Variants in UBR4 observed in about 807,000 individuals in gnomAD.
The protein encoded by UBR4 is E3 ubiquitin-protein ligase UBR4.
A neutral mutation model predicts 575.6 loss-of-function variants in UBR4; 124 were observed. The observed-to-expected ratio is 0.22, with a 90% CI of 0.19 to 0.25. The LOEUF (loss-of-function observed/expected upper bound fraction) is 0.25, where lower values mean the gene tolerates loss of function less well. Among genes scored for constraint, UBR4 ranks in the 10% least tolerant of loss-of-function variants. The pLI is 1.00. For missense variants in UBR4, 4,818 were observed against 6,478.8 expected (o/e 0.74, Z 8.80); for synonymous variants, 2,455 against 2,473.7 (o/e 0.99, Z 0.22).
At chr1:19,195,025 C>T (rs978989337) in intron 8 of UBR4, among the ~76,000 whole-genome samples, 2 of 151,574 alleles carry the variant, frequency 1.3e-5, no homozygotes, top group Non-Finnish European at 2.9e-5. Context: ...CTTTAGGAGG[C>T]CAAGGCGGGC....
chr1:19,170,789 A>G lies in UBR4; in HGVS notation c.3616T>C (p.Ser1206Pro). The change falls in exon 26 of 106, where the codon TCT (serine) becomes CCT (proline). Residue 1206 changes from serine (S) to proline (P), a missense_variant. Around this residue, in one of 29 missense-constraint regions of UBR4, gnomAD observed 1,172 missense variants for 1,259.7 expected, o/e 0.93. Coordinates refer to ENST00000375254, the MANE Select transcript of UBR4 (RefSeq NM_020765.3). ...QGFAAVLAIG[S>P]SRCKANTLGP... ...AGAGTATTTGCCTTGCACCTGCTAG[A>G]GCCAATAGCCAAAACAGCAGCAAAG... 6.2e-7 allele frequency: 1 copy of G among 1,614,190 alleles called. No homozygotes were observed. Among genetic ancestry groups the G allele is most frequent in the Non-Finnish European group, 8.5e-7 (1 of 1,180,018 alleles).
intron 1 of UBR4, among the ~76,000 whole-genome samples, chr1:19,204,535 AAT>A (rs34722359): frequency 1.1e-4 from 16 of 150,090 alleles, no homozygotes; most frequent in African/African-American, 3.2e-4. Flanking sequence ...TATAAAAAAA[AAT>A]ATATATATAT....
rs151119836 is a variant in UBR4 at position 19,117,865 on chromosome 1, G to A, written c.10587C>T (p.Ser3529=). ...GGTTATTACACACCAGGCAGGGATC[G>A]CTCTCCAGGTAATAGCCATCAAACT... The part of the protein sequence containing the change: ...LVEFDGYYLE[S]DPCLVCNNPE... The change falls in exon 72 of 106, where the codon AGC becomes AGT. Residue 3529 remains serine (S), a synonymous_variant. Transcript: ENST00000375254. This position sits in a 1 kb window ranked among gnomAD's most constrained non-coding sequence, Gnocchi z 4.0. 113 of 1,614,170 alleles carry A rather than the reference G, an allele frequency of 7.0e-5. No individual in the cohort carries two copies. In the African/African-American group the frequency reaches 1.0e-3, roughly 14 times the overall value.
chr1:19,144,128 A>C, intron 54 of UBR4, 37 bp from the exon 55 acceptor site: 14 of 1,573,480 alleles, frequency 8.9e-6, no homozygotes, highest in East Asian at 2.2e-5. Context: ...CTTTGCTCTC[A>C]TATTATTCAT....
intron 55 of UBR4, 45 bp from the exon 56 acceptor site, chr1:19,141,822 C>T (rs367641462): frequency 6.2e-7 from 1 of 1,605,092 alleles, no homozygotes; most frequent in Non-Finnish European, 8.5e-7. Flanking sequence ...TTGCTTTCCT[C>T]CCTTGGCACA....
rs1246394266 is a variant in UBR4, at chr1:19,167,011, A to T, written c.4109+11T>A. 1 of 1,614,098 alleles carries T rather than the reference A, an allele frequency of 6.2e-7. No individual in the cohort carries two copies. The highest frequency in any genetic ancestry group is 2.2e-5 in the East Asian group (1 of 44,904). On this transcript the variant is annotated intron_variant, in intron 29 of 105. Transcript: ENST00000375254. ...GTCATAGGAAACCTGACTGTTCTCC[A>T]TCAGGCTCACCTGTTAGGATCTGCA...
chr1:19,104,696 G>A (rs767266852), intron 85 of UBR4, 30 bp from the exon 86 acceptor site: 10 of 1,607,440 alleles, frequency 6.2e-6, no homozygotes, highest in Non-Finnish European at 7.7e-6. Flanking sequence ...CAGTCAGTGT[G>A]ATATCACTGC....
Position 19,160,254 on chromosome 1 carries a change from A to G in UBR4, c.5434T>C (p.Leu1812=), listed in dbSNP as rs1414850727. The G allele has an allele frequency of 1.2e-6, 2 of 1,613,578 alleles. No homozygotes were observed. The highest frequency in any genetic ancestry group is 1.7e-5 in the Admixed American group (1 of 59,932). ...QANFSFAPLV[L]DMLNFLMDAI... ...TCCATAAGGAAATTAAGCATGTCTA[A>G]CACGAGAGGAGCGAAGGAGAAATTG... The change falls in exon 39 of 106, where the codon TTA becomes CTA. Residue 1812 remains leucine (L), a synonymous_variant. Coordinates refer to ENST00000375254, the MANE Select transcript of UBR4 (RefSeq NM_020765.3).
rs532865370 is a variant in UBR4, at chr1:19,121,503, C to T, written c.9896-69G>A. On this transcript the variant is annotated intron_variant, in intron 67 of 105. Transcript: ENST00000375254. ...ACCAGACTCAGGAGAACCAAAACAACGTCTCCCTACAGCTGAGACTGCCCT... is the reference window on the plus strand; with the variant it reads ...ACCAGACTCAGGAGAACCAAAACAATGTCTCCCTACAGCTGAGACTGCCCT... The T allele has an allele frequency of 2.3e-5, 36 of 1,549,778 alleles. No individual in the cohort carries two copies. In the East Asian group the frequency reaches 7.2e-4, roughly 31 times the overall value.
At position 19,081,302 on chromosome 1, in the gene UBR4, T is replaced by C. The variant is rs1363122962; in HGVS notation, c.15233+47A>G. 4.6e-6 allele frequency: 7 copies of C among 1,506,130 alleles called. No homozygotes were observed. The South Asian group carries it at 9.1e-5, about 20-fold the overall frequency. 93.3% of individuals were successfully genotyped at this position (1,506,130 alleles called of 1,614,324 possible). On this transcript the variant is annotated intron_variant, in intron 103 of 105. Transcript: ENST00000375254. ...GTACCACTAAGCAGCTTTTCAAAACTGATGATGGGAAATAGTGAGCAGCAG... is the reference window on the plus strand; with the variant it reads ...GTACCACTAAGCAGCTTTTCAAAACCGATGATGGGAAATAGTGAGCAGCAG...
chr1:19,153,160 C>T lies in UBR4; in HGVS notation c.6832+141G>A. Reference sequence around the variant, plus strand: ...CTTGACATTTGGAAACATAACTCTGCTTTTGGGAAATTAACTTTACAAAAT... The same window carrying T: ...CTTGACATTTGGAAACATAACTCTGTTTTTGGGAAATTAACTTTACAAAAT... On this transcript the variant is annotated intron_variant, in intron 46 of 105. Transcript: ENST00000375254. This position sits in a 1 kb window ranked among gnomAD's most constrained non-coding sequence, Gnocchi z 4.1. 1.9e-6 allele frequency: 2 copies of T among 1,060,520 alleles called. No homozygotes were observed. The highest frequency in any genetic ancestry group is 2.7e-6 in the Non-Finnish European group (2 of 738,992). The allele number at this position is 1,060,520 out of a possible 1,614,324, so 65.7% of individuals were successfully genotyped here.
At chr1:19,145,506 G>GACACACACACACACACACAC in intron 53 of UBR4, among the ~76,000 whole-genome samples, 1 of 43,378 alleles carries the variant, frequency 2.3e-5, no homozygotes, top group African/African-American at 8.8e-5. Flanking sequence ...ATAAACCACT[G>GACACACACACACACACACAC]AGACACACAC....
At chr1:19,192,638 T>C (rs2092176908) in intron 9 of UBR4, 98 bp from the exon 10 acceptor site, 1 of 1,273,052 alleles carries the variant, frequency 7.9e-7, no homozygotes, top group South Asian at 1.3e-5. Context: ...AAGAGTTCAA[T>C]ATCCTCTTTT....
intron 60 of UBR4, 48 bp downstream of exon 60, chr1:19,137,959 T>TACTATTCCTGAA (rs1196005002): frequency 7.0e-7 from 1 of 1,429,040 alleles, no homozygotes; most frequent in African/African-American, 1.4e-5. Flanking sequence ...ATTCCTGAAA[T>TACTATTCCTGAA]AGTCTCAGAT....
chr1:19,103,065 C>T (rs1409849458), intron 87 of UBR4, among the ~76,000 whole-genome samples: 1 of 152,174 alleles, frequency 6.6e-6, no homozygotes, highest in African/African-American at 2.4e-5. Flanking sequence ...TCTGGAGAAA[C>T]CCATCTTTGG....
chr1:19,102,015 G>A (rs2078681307), intron 87 of UBR4, among the ~76,000 whole-genome samples: 1 of 152,166 alleles, frequency 6.6e-6, no homozygotes, highest in African/African-American at 2.4e-5. Context: ...CAAATCAAAA[G>A]GAAGTTACAG....
At chr1:19,206,146 T>C (rs763828010) in intron 1 of UBR4, among the ~76,000 whole-genome samples, 1 of 152,234 alleles carries the variant, frequency 6.6e-6, no homozygotes, top group Non-Finnish European at 1.5e-5. Flanking sequence ...CTTTAAACTA[T>C]GTAATAAGTA....
At chr1:19,178,957 C>G in intron 18 of UBR4, 94 bp downstream of exon 18, 1 of 1,467,930 alleles carries the variant, frequency 6.8e-7, no homozygotes, top group East Asian at 2.3e-5. Flanking sequence ...ATCATTACAG[C>G]AAAGCCTCAA....
chr1:19,089,077 C>A lies in UBR4; in HGVS notation c.14212-100G>T. ...TAGAAACTCAACCAGCATGCACCAT[C>A]TCATGTCACCTGCTCAGCTGCAATC... is the stretch of plus-strand genomic sequence containing the variant. On this transcript the variant is annotated intron_variant, in intron 97 of 105. Coordinates refer to ENST00000375254, the MANE Select transcript of UBR4 (RefSeq NM_020765.3). This position sits in a 1 kb window ranked among gnomAD's most constrained non-coding sequence, Gnocchi z 4.3. The A allele has an allele frequency of 8.9e-7, 1 of 1,125,542 alleles. No individual in the cohort carries two copies. The highest frequency in any genetic ancestry group is 1.3e-6 in the Non-Finnish European group (1 of 779,094). 69.7% of individuals were successfully genotyped at this position (1,125,542 alleles called of 1,614,324 possible). A position where few individuals can be genotyped will look rare whatever the true frequency, so the allele number is the denominator to read the frequency against.
Sources: gnomAD v4.1 joint callset for allele counts (sites outside exome capture counted in the v4.1 genomes callset) on GRCh38, gnomAD v4.1.1 for gene constraint, gnomAD v4.1.1 regional missense constraint, Gnocchi (gnomAD v3.1) non-coding constraint, MANE v1.5 for transcripts, NCBI Gene and HGNC (gene_info 2026-07-23, HGNC 2026-07-21) for gene names.